The following CCNI variants were observed in gnomAD, a reference collection of about 807,000 sequenced individuals.
CCNI encodes cyclin-I.
In CCNI, 14 loss-of-function variants were observed where a neutral mutation model predicts 34.1. That is an observed-to-expected ratio of 0.41 (90% CI 0.27 to 0.64). The LOEUF (loss-of-function observed/expected upper bound fraction) is 0.64. Ranked by LOEUF, CCNI falls within the 30% of genes least tolerant of loss-of-function variation. The pLI is 0.31. For synonymous variants in CCNI, 154 were observed against 158.4 expected, an observed-to-expected ratio of 0.97 and a Z score of 0.21; for missense variants, 385 against 440.5, an observed-to-expected ratio of 0.87 and a Z score of 1.13.
chr4:77,063,606 C>T (rs1375549044), intron 2 of CCNI, among the ~76,000 whole-genome samples: 1 of 151,262 alleles, frequency 6.6e-6, no homozygotes, highest in African/African-American at 2.4e-5. Context: ...AGGAGAATAG[C>T]GTGAACCCGG....
intron 6 of CCNI, among the ~76,000 whole-genome samples, chr4:77,050,757 G>A (rs1328703627): frequency 6.6e-6 from 1 of 151,896 alleles, no homozygotes; most frequent in South Asian, 2.1e-4. Flanking sequence ...TCCCAGGGAT[G>A]TAGAACAAGC....
At chr4:77,068,767 C>CA (rs1729237088) in intron 1 of CCNI, among the ~76,000 whole-genome samples, 1 of 152,020 alleles carries the variant, frequency 6.6e-6, no homozygotes, top group East Asian at 1.9e-4. Context: ...TTTGGAAAAG[C>CA]AAAAAATAGC....
chr4:77,053,651 A>C (rs905034160), intron 6 of CCNI, among the ~76,000 whole-genome samples: 1 of 152,198 alleles, frequency 6.6e-6, no homozygotes, highest in Non-Finnish European at 1.5e-5. Flanking sequence ...CTATCTTGAG[A>C]GTAAGCACAG....
chr4:77,070,219 G>A (rs1167458367), intron 1 of CCNI, among the ~76,000 whole-genome samples: 2 of 151,804 alleles, frequency 1.3e-5, no homozygotes, highest in African/African-American at 4.8e-5. Context: ...GTTTTACCAT[G>A]TTGGCCAGGC....
rs1729888434 is a variant in CCNI, at chr4:77,075,635, G to A, written c.-207C>T. On this transcript the variant is annotated 5_prime_UTR_variant, in exon 1 of 7. Coordinates refer to ENST00000237654, the MANE Select transcript of CCNI (RefSeq NM_006835.3). ...AACTGAGGAGGGAGAAAGGGGAAGC[G>A]GATCGGGGGGCGCGGGCGCGGGCGC... The A allele has an allele frequency of 2.0e-5, 18 of 922,290 alleles. No individual in the cohort carries two copies. The highest frequency in any genetic ancestry group is 3.0e-4 in the Middle Eastern group (1 of 3,332). The allele number at this position is 922,290 out of a possible 1,614,324, so 57.1% of individuals were successfully genotyped here. A position where few individuals can be genotyped will look rare whatever the true frequency, so the allele number is the denominator to read the frequency against.
At chr4:77,056,490 A>T in intron 3 of CCNI, 167 bp from the exon 4 acceptor site, 1 of 596,858 alleles carries the variant, frequency 1.7e-6, no homozygotes, top group Admixed American at 3.0e-5. Context: ...ATCAGAGCTA[A>T]CTTTAAGAAC....
chr4:77,066,503 T>C (rs2109834874), intron 1 of CCNI, 98 bp from the exon 2 acceptor site: 1 of 820,566 alleles, frequency 1.2e-6, no homozygotes, highest in Admixed American at 2.9e-5. Flanking sequence ...AAGAATGCTA[T>C]GAGGCAGTAT....
intron 2 of CCNI, among the ~76,000 whole-genome samples, chr4:77,060,689 T>G (rs1728548998): frequency 6.6e-6 from 1 of 151,372 alleles, no homozygotes; most frequent in South Asian, 2.1e-4. Flanking sequence ...AGTGGTTCAA[T>G]CTCAGTTCAC....
chr4:77,058,573 G>A lies in CCNI; in HGVS notation c.177C>T (p.Phe59=), dbSNP rs760203939. 1 of 1,612,986 alleles carries A rather than the reference G, an allele frequency of 6.2e-7. No individual in the cohort carries two copies. Among genetic ancestry groups the A allele is most frequent in the Non-Finnish European group, 8.5e-7 (1 of 1,179,032 alleles). ...GAGCAAATGTTTCTGGGTAAAGGTT[G>A]AATTGGTACTTGAGTTTGGCCAGCC... is the stretch of plus-strand genomic sequence containing the variant. ...IQWLAKLKYQ[F]NLYPETFALA... The change falls in exon 3 of 7, where the codon TTC becomes TTT. Residue 59 remains phenylalanine, a synonymous_variant. Coordinates refer to ENST00000237654, the MANE Select transcript of CCNI (RefSeq NM_006835.3).
At chr4:77,052,775 T>C (rs1727955131) in intron 6 of CCNI, among the ~76,000 whole-genome samples, 1 of 152,130 alleles carries the variant, frequency 6.6e-6, no homozygotes, top group Non-Finnish European at 1.5e-5. Flanking sequence ...AACACAAAGA[T>C]ATTAGACCTG....
Position 77,066,415 on chromosome 4 carries a change from CAAGT to C in CCNI, c.-43-14_-43-11del, listed in dbSNP as rs2109834630. ...AGCTTGCTGTAGCTACCTACAGAAT[CAAGT>C]AAGTTTTAAAATTAGTTATAGAATA... On this transcript the variant is annotated splice_polypyrimidine_tract_variant and intron_variant, in intron 1 of 6. Coordinates refer to ENST00000237654, the MANE Select transcript of CCNI (RefSeq NM_006835.3). The C allele has an allele frequency of 6.2e-7, 1 of 1,601,020 alleles. No homozygotes were observed. The highest frequency in any genetic ancestry group is 1.4e-5 in the African/African-American group (1 of 74,042).
chr4:77,070,733 G>C (rs963392434), intron 1 of CCNI, among the ~76,000 whole-genome samples: 1 of 152,052 alleles, frequency 6.6e-6, no homozygotes, highest in Admixed American at 6.6e-5. Flanking sequence ...GCTCATTCCT[G>C]TAATTCCAAC....
At chr4:77,069,003 T>C (rs922758569) in intron 1 of CCNI, among the ~76,000 whole-genome samples, 2 of 152,064 alleles carry the variant, frequency 1.3e-5, no homozygotes, top group African/African-American at 2.4e-5. Flanking sequence ...AAGGGGTAAA[T>C]AGAGAGGAAA....
At chr4:77,072,292 A>T (rs1729525269) in intron 1 of CCNI, among the ~76,000 whole-genome samples, 1 of 151,866 alleles carries the variant, frequency 6.6e-6, no homozygotes, top group Non-Finnish European at 1.5e-5. Flanking sequence ...AAGAAAAAGT[A>T]AAACGAGGTA....
chr4:77,048,977 T>G (rs556854605), intron 6 of CCNI, among the ~76,000 whole-genome samples: 4,590 of 144,598 alleles, frequency 0.032, 85 homozygotes, highest in East Asian at 0.078. Flanking sequence ...TTTTTTTTTT[T>G]TTTTTTTTTT....
At chr4:77,056,895 A>G (rs1728281212) in intron 3 of CCNI, among the ~76,000 whole-genome samples, 1 of 152,068 alleles carries the variant, frequency 6.6e-6, no homozygotes, top group Non-Finnish European at 1.5e-5. Context: ...CCGGCCTGAG[A>G]GCTAACTGTT....
chr4:77,059,317 TTTACTC>T (rs1348306589), intron 2 of CCNI, among the ~76,000 whole-genome samples: 1 of 151,852 alleles, frequency 6.6e-6, no homozygotes, highest in Non-Finnish European at 1.5e-5. Flanking sequence ...TTAGAAAACT[TTTACTC>T]TTGAGTTTTG....
chr4:77,059,541 A>G (rs762770792), intron 2 of CCNI, among the ~76,000 whole-genome samples: 12 of 151,940 alleles, frequency 7.9e-5, no homozygotes, highest in Non-Finnish European at 1.6e-4. Flanking sequence ...TTTCCTGTTC[A>G]ATATTTTTTT....
chr4:77,075,049 T>C (rs980440647), intron 1 of CCNI: 2 of 147,002 alleles, frequency 1.4e-5, no homozygotes, highest in Admixed American at 6.9e-5. Flanking sequence ...GCATTCAGTC[T>C]GCCGTGCAAA....
Sources: allele counts gnomAD v4.1 joint callset (sites outside exome capture counted in the v4.1 genomes callset), GRCh38; gene constraint gnomAD v4.1.1; transcripts MANE v1.5; gene names NCBI Gene and HGNC (gene_info 2026-07-23, HGNC 2026-07-21).